The following IRX4 variants were observed in gnomAD, a reference collection of about 807,000 sequenced individuals.
IRX4 encodes the protein iroquois-class homeodomain protein IRX-4.
A neutral mutation model predicts 32.0 loss-of-function variants in IRX4; 22 were observed. The observed-to-expected ratio is 0.69, with a 90% CI of 0.49 to 0.98. IRX4 has a LOEUF of 0.98. Among genes scored for constraint, IRX4 ranks in the 50% least tolerant of loss-of-function variants. The probability of loss-of-function intolerance (pLI) is 0.00; values close to 1 mark genes in which losing one functional copy is unlikely to be tolerated. For synonymous variants in IRX4, 379 were observed against 351.7 expected (o/e 1.08, Z -0.87); for missense variants, 840 against 744.2 (o/e 1.13, Z -1.50).
At chr5:1,881,320 G>GT (rs143666424) in intron 2 of IRX4, among the ~76,000 whole-genome samples, 26,485 of 123,234 alleles carry the variant, frequency 0.21, 3,264 homozygotes, top group East Asian at 0.26. Flanking sequence ...GGCGCAAGGC[G>GT]GGGGGAGGAG....
upstream of IRX4, among the ~76,000 whole-genome samples, chr5:1,885,973 A>G (rs1342499872): frequency 6.6e-6 from 1 of 151,290 alleles, no homozygotes; most frequent in African/African-American, 2.4e-5. Context: ...CGGCTCCCGG[A>G]GTACACAGCA....
intron 3 of IRX4, 90 bp from the exon 4 acceptor site, chr5:1,879,922 C>A: frequency 1.9e-6 from 3 of 1,566,556 alleles, no homozygotes; most frequent in Non-Finnish European, 2.6e-6. Flanking sequence ...AGGGGCATGC[C>A]AGGATGGGCT....
At chr5:1,882,538 C>T in intron 1 of IRX4, 65 bp downstream of exon 1, 2 of 1,370,482 alleles carry the variant, frequency 1.5e-6, no homozygotes, top group South Asian at 1.3e-5. Flanking sequence ...TCCCCACCCC[C>T]CGTCCCCGCC....
chr5:1,881,980 G>C lies in IRX4; in HGVS notation c.125C>G (p.Ser42Trp). The C allele has an allele frequency of 6.4e-7, 1 of 1,551,850 alleles. No individual in the cohort carries two copies. Among genetic ancestry groups the C allele is most frequent in the Non-Finnish European group, 8.7e-7 (1 of 1,148,158 alleles). The part of the protein sequence containing the change: ...RTLADSGPAA[S>W]AQAPVYCPVY... ...CGGGCAGTAGACCGGCGCCTGGGCC[G>C]AGGCGGCGGGCCCGGAGTCCGCCAG... The change falls in exon 2 of 5, where the codon TCG (serine) becomes TGG (tryptophan). Residue 42 changes from serine to tryptophan, a missense_variant. Physicochemically the swap from Ser to Trp is radical, Grantham distance 177. Around this residue, in one of 3 missense-constraint regions of IRX4, gnomAD observed 241 missense variants for 220.8 expected, o/e 1.09. Coordinates refer to ENST00000231357, the MANE Select transcript of IRX4 (RefSeq NM_016358.3).
At position 1,878,241 on chromosome 5, in the gene IRX4, A is replaced by G. The variant is rs1735276682; in HGVS notation, c.1288T>C (p.Ser430Pro). 1 of 1,605,066 alleles carries G rather than the reference A, an allele frequency of 6.2e-7. No homozygotes were observed. The highest frequency in any genetic ancestry group is 1.7e-4 in the Middle Eastern group (1 of 6,048). The change falls in exon 5 of 5, where the codon TCC becomes CCC. Residue 430 changes from serine to proline, a missense_variant. By Grantham distance (74) the Ser-to-Pro change is moderately conservative (BLOSUM62 -1). Transcript: ENST00000231357. The part of the protein sequence containing the change: ...HSGALDRHQD[S>P]PVTSLRNWVD... Reference sequence around the variant, plus strand: ...CAGTTTCTGAGACTGGTTACCGGGGAGTCCTGGTGCCTGTCCAGGGCGCCA... The same window carrying G: ...CAGTTTCTGAGACTGGTTACCGGGGGGTCCTGGTGCCTGTCCAGGGCGCCA...
chr5:1,886,284 C>A (rs1029139875), upstream of IRX4, among the ~76,000 whole-genome samples: 1 of 152,244 alleles, frequency 6.6e-6, no homozygotes, highest in African/African-American at 2.4e-5. Flanking sequence ...CTCCTTCCAG[C>A]CCAGAGAAGT....
In IRX4 at chr5:1,878,395, G is replaced by A. The variant is rs772830192; in HGVS notation, c.1134C>T (p.Ala378=). ...GGCTCAGGGAGGTGGCGGCGGCGGCGGCGGCGGTGGCTGTGTGGGCCAGGG... is the reference window on the plus strand; with the variant it reads ...GGCTCAGGGAGGTGGCGGCGGCGGCAGCGGCGGTGGCTGTGTGGGCCAGGG... ...IWSLAHTATA[A]AAAATSLSQT... Residue 378 remains alanine (A), a synonymous_variant, in exon 5 of 5, where the codon GCC becomes GCT. Transcript: ENST00000231357. 5.2e-6 allele frequency: 8 copies of A among 1,526,394 alleles called. No homozygotes were observed. In the East Asian group the frequency reaches 1.2e-4, roughly 23 times the overall value. 94.6% of individuals were successfully genotyped at this position (1,526,394 alleles called of 1,614,324 possible).
chr5:1,882,932 GAA>G (rs201834255), upstream of IRX4, among the ~76,000 whole-genome samples: 7 of 143,394 alleles, frequency 4.9e-5, no homozygotes, highest in Non-Finnish European at 9.2e-5. Context: ...TTACGAAAAA[GAA>G]AAAAAAAAAA....
intron 3 of IRX4, chr5:1,880,172 A>T (rs2111441182): frequency 6.6e-7 from 1 of 1,515,010 alleles, no homozygotes; most frequent in South Asian, 1.2e-5. Flanking sequence ...ATAGACAGGT[A>T]AGCCCACACC....
chr5:1,878,899 A>C, intron 4 of IRX4, 107 bp from the exon 5 acceptor site: 3 of 1,174,732 alleles, frequency 2.6e-6, no homozygotes, highest in Non-Finnish European at 3.8e-6. Flanking sequence ...TACGAAAAGC[A>C]CTCGGGGCCT....
In IRX4 at chr5:1,879,522, T is replaced by A. The variant is rs932256085; in HGVS notation, c.718A>T (p.Lys240Ter). The A allele has an allele frequency of 6.2e-7, 1 of 1,613,144 alleles. No homozygotes were observed. Among genetic ancestry groups the A allele is most frequent in the African/African-American group, 1.3e-5 (1 of 74,950 alleles). ...GEEEAREEPL[K>*]SSKNAEPVGK... is the part of the protein sequence containing the mutation. ...AACCCACCTGCGTTCTTGGAGCTCT[T>A]GAGGGGCTCCTCCCGCGCCTCCTCC... The change falls in exon 4 of 5, where the codon AAG (lysine) becomes TAG (stop). Residue 240 changes from lysine to a stop codon, truncating the protein, a stop_gained. Transcript: ENST00000231357. LOFTEE classifies it low-confidence loss of function (END_TRUNC).
At chr5:1,883,218 A>T (rs905012047), upstream of IRX4, among the ~76,000 whole-genome samples, 1 of 152,210 alleles carries the variant, frequency 6.6e-6, no homozygotes, top group Admixed American at 6.5e-5. Flanking sequence ...TTTTAATTAG[A>T]AATTAATTAA....
At position 1,878,129 on chromosome 5, in the gene IRX4, G is replaced by A; in HGVS notation, c.1400C>T (p.Pro467Leu). The change falls in exon 5 of 5, where the codon CCC (proline) becomes CTC (leucine). Residue 467 changes from proline to leucine, a missense_variant. By Grantham distance (98) the Pro-to-Leu change is moderately conservative (BLOSUM62 -3). This residue lies in a region of IRX4 where 585 missense variants were observed against 488.0 expected (regional missense o/e 1.20). Coordinates refer to ENST00000231357, the MANE Select transcript of IRX4 (RefSeq NM_016358.3). ...CCCCAGCGAGCGTCCCAGAGGCCCG[G>A]GGTCCAGGAGGGCGCCCTTGGCGGT... is the stretch of plus-strand genomic sequence containing the variant. ...WATAKGALLD[P>L]GPLGRSLGAG... The A allele has an allele frequency of 6.5e-7, 1 of 1,548,902 alleles. No homozygotes were observed. The highest frequency in any genetic ancestry group is 1.2e-5 in the South Asian group (1 of 84,656).
rs753403459 is a variant in IRX4 at position 1,882,612 on chromosome 5, C to T, written c.36G>A (p.Ser12=). ...SYPQFGYPYS[S]APQFLMATNS... ...GCGGGGCTCCGCTTACCTGGGGAGC[C>T]GAGGAGTAGGGGTATCCAAACTGCG... The change falls in exon 1 of 5, where the codon TCG becomes TCA. Residue 12 remains serine (S), a synonymous_variant. Transcript: ENST00000231357. The T allele has an allele frequency of 1.4e-6, 2 of 1,465,934 alleles. No individual in the cohort carries two copies. The highest frequency in any genetic ancestry group is 1.8e-6 in the Non-Finnish European group (2 of 1,113,838). The allele number at this position is 1,465,934 out of a possible 1,614,324, so 90.8% of individuals were successfully genotyped here. A position where few individuals can be genotyped will look rare whatever the true frequency, so the allele number is the denominator to read the frequency against.
In IRX4 at chr5:1,881,875, T is replaced by C. The variant is rs201931586; in HGVS notation, c.230A>G (p.Tyr77Cys). 86 of 1,585,342 alleles carry C rather than the reference T, an allele frequency of 5.4e-5. No homozygotes were observed. In the East Asian group the frequency reaches 1.3e-3, roughly 23 times the overall value. Residue 77 changes from tyrosine (Y) to cysteine (C), a missense_variant, in exon 2 of 5, where the codon TAT becomes TGT. By Grantham distance (194) the Tyr-to-Cys change is radical. Transcript: ENST00000231357. ...AAALGVYGGP[Y>C]GGSQGYGNYV... ...GTTGCCATAGCCCTGCGATCCGCCA[T>C]AGGGACCCCCATAGACGCCCAGCGC...
At chr5:1,879,160 T>G (rs1735334402) in intron 4 of IRX4, among the ~76,000 whole-genome samples, 1 of 151,944 alleles carries the variant, frequency 6.6e-6, no homozygotes, top group Admixed American at 6.5e-5. Context: ...CCCGGCTAAT[T>G]TTTTGTATTT....
At chr5:1,885,719 A>G (rs1019055173), upstream of IRX4, among the ~76,000 whole-genome samples, 1 of 152,008 alleles carries the variant, frequency 6.6e-6, no homozygotes, top group Non-Finnish European at 1.5e-5. Flanking sequence ...CCGCCTGCCC[A>G]AACCGGGGAT....
chr5:1,880,467 G>A (rs779888879), intron 3 of IRX4, among the ~76,000 whole-genome samples: 3 of 152,206 alleles, frequency 2.0e-5, no homozygotes, highest in East Asian at 1.9e-4. Context: ...GAAAGCTGCC[G>A]CACATTTAGG....
Position 1,879,587 on chromosome 5 carries a change from T to C in IRX4, c.653A>G (p.Lys218Arg). The C allele has an allele frequency of 1.9e-6, 3 of 1,613,864 alleles. No individual in the cohort carries two copies. The highest frequency in any genetic ancestry group is 2.5e-6 in the Non-Finnish European group (3 of 1,179,980). Residue 218 changes from lysine (K) to arginine (R), a missense_variant, in exon 4 of 5, where the codon AAG becomes AGG. Lys to Arg is a conservative substitution (Grantham distance 26). Transcript: ENST00000231357. ...WPPRNKCADE[K>R]RPYAEGEEEE... The stretch of plus-strand genomic sequence containing the variant: ...CTCCTCGCCCTCCGCGTAGGGCCGC[T>C]TCTCGTCTGCGCACTTGTTCCGCGG...
Sources: gnomAD v4.1 joint callset for allele counts (sites outside exome capture counted in the v4.1 genomes callset) on GRCh38, gnomAD v4.1.1 for gene constraint, gnomAD v4.1.1 regional missense constraint, MANE v1.5 for transcripts, NCBI Gene and HGNC (gene_info 2026-07-23, HGNC 2026-07-21) for gene names.